RPL13: variants seen among roughly 807,000 people sequenced by gnomAD.
The protein encoded by RPL13 is ribosomal protein L13.
A neutral mutation model predicts 21.4 loss-of-function variants in RPL13; 1 was observed. That is an observed-to-expected ratio of 0.05 (90% CI 0.02 to 0.22). RPL13 has a LOEUF of 0.22. RPL13 is among the 10% of genes least tolerant of loss of function. RPL13 has a pLI of 1.00. For synonymous variants in RPL13, 143 were observed against 120.5 expected, an observed-to-expected ratio of 1.19 and a Z score of -1.23; for missense variants, 289 against 303.0, an observed-to-expected ratio of 0.95 and a Z score of 0.34.
chr16:89,566,568 G>C (rs757040225), downstream of RPL13: 1 of 152,194 alleles, frequency 6.6e-6, no homozygotes, highest in Non-Finnish European at 1.5e-5. Context: ...GGAGGCTGAG[G>C]GGGGAGGATG....
chr16:89,561,046 G>C lies in RPL13; in HGVS notation c.87G>C (p.Pro29=). ...GCGTGGCCACGTGGTTCAACCAGCCGGCCCGTAAGATCCGCAGGTGAGCCC... is the reference window on the plus strand; with the variant it reads ...GCGTGGCCACGTGGTTCAACCAGCCCGCCCGTAAGATCCGCAGGTGAGCCC... ...QRRVATWFNQ[P]ARKIRRRKAR... is the part of the protein sequence containing the mutation. The change falls in exon 2 of 6, where the codon CCG becomes CCC. Residue 29 remains proline, a synonymous_variant. Transcript: ENST00000311528. 2.5e-6 allele frequency: 4 copies of C among 1,606,606 alleles called. No homozygotes were observed. Among genetic ancestry groups the C allele is most frequent in the Non-Finnish European group, 3.4e-6 (4 of 1,177,986 alleles).
chr16:89,565,869 C>T (rs927041196), downstream of RPL13: 1 of 152,238 alleles, frequency 6.6e-6, no homozygotes, highest in Non-Finnish European at 1.5e-5. Flanking sequence ...ACCTTGATTT[C>T]GTCCATGTGA....
In RPL13 at chr16:89,561,623, G is replaced by C; in HGVS notation, c.292G>C (p.Val98Leu). The C allele has an allele frequency of 6.2e-7, 1 of 1,613,794 alleles. No individual in the cohort carries two copies. Among genetic ancestry groups the C allele is most frequent in the Non-Finnish European group, 8.5e-7 (1 of 1,180,040 alleles). Residue 98 changes from valine (V) to leucine (L), a missense_variant, in exon 4 of 6, where the codon GTG (valine) becomes CTG (leucine). Val to Leu is a conservative substitution (Grantham distance 32). Coordinates refer to ENST00000311528, the MANE Select transcript of RPL13 (RefSeq NM_000977.4). The part of the protein sequence containing the change: ...KKVARTIGIS[V>L]DPRRRNKSTE... ...GGTGGCCCGGACCATCGGCATTTCT[G>C]TGGATCCGAGGAGGCGGAACAAGTC...
chr16:89,560,864 A>G, intron 1 of RPL13, 76 bp from the exon 2 acceptor site: 1 of 1,071,696 alleles, frequency 9.3e-7, no homozygotes, highest in Non-Finnish European at 1.3e-6. Context: ...CCCAGTCTGG[A>G]GGGTTCGGGG....
chr16:89,563,107 G>A lies in RPL13; in HGVS notation c.*65G>A. The A allele has an allele frequency of 7.3e-7, 1 of 1,376,852 alleles. No individual in the cohort carries two copies. The highest frequency in any genetic ancestry group is 3.4e-5 in the Admixed American group (1 of 29,436). 85.3% of individuals were successfully genotyped at this position (1,376,852 alleles called of 1,614,324 possible). A position where few individuals can be genotyped will look rare whatever the true frequency, so the allele number is the denominator to read the frequency against. On this transcript the variant is annotated 3_prime_UTR_variant, in exon 6 of 6. Transcript: ENST00000311528. ...GGGTCTCCACGTGGTGTGTTTCGTGGGAACAACTGGGCCTGGGATGGGGCT... is the reference window on the plus strand; with the variant it reads ...GGGTCTCCACGTGGTGTGTTTCGTGAGAACAACTGGGCCTGGGATGGGGCT...
At position 89,561,115 on chromosome 16, in the gene RPL13, T is replaced by G. The variant is rs572123645; in HGVS notation, c.104+52T>G. 5.2e-5 allele frequency: 81 copies of G among 1,554,314 alleles called. No individual in the cohort carries two copies. The South Asian group carries it at 9.1e-4, about 17-fold the overall frequency. On this transcript the variant is annotated intron_variant, in intron 2 of 5. Transcript: ENST00000311528. ...TGGGGCTCGTGCCCGCGGCTGCGCC[T>G]TGGCTTGCGGGTGGCCGATGCCAGG...
At chr16:89,566,687 T>C (rs1053356776), downstream of RPL13, 1 of 151,978 alleles carries the variant, frequency 6.6e-6, no homozygotes, top group Non-Finnish European at 1.5e-5. Flanking sequence ...ACAAAACTAT[T>C]ATGCAGTAGT....
rs769661644 is a variant in RPL13, at chr16:89,560,924, C to A, written c.-20-16C>A. On this transcript the variant is annotated splice_polypyrimidine_tract_variant and intron_variant, in intron 1 of 5. Transcript: ENST00000311528. ...CCCGGGGTCCGGCCTCTCACTCGCTCCCCTCTCGTCCGCAGCCGCAGGGCC... is the reference window on the plus strand; with the variant it reads ...CCCGGGGTCCGGCCTCTCACTCGCTACCCTCTCGTCCGCAGCCGCAGGGCC... 1.1e-4 allele frequency: 180 copies of A among 1,567,606 alleles called. 1 individual carries two copies. Among genetic ancestry groups the A allele is most frequent in the Non-Finnish European group, 1.5e-4 (171 of 1,157,214 alleles).
chr16:89,565,363 G>T (rs1239249131), downstream of RPL13: 6 of 152,844 alleles, frequency 3.9e-5, no homozygotes, highest in East Asian at 7.7e-4. Context: ...GTGCGGCTCT[G>T]CCCTTCCTGG....
At chr16:89,560,665 C>G, upstream of RPL13, 1 of 336,622 alleles carries the variant, frequency 3.0e-6, no homozygotes, top group Non-Finnish European at 5.4e-6. Flanking sequence ...TCCCAGAGTG[C>G]ATTGCGGGGC....
chr16:89,562,423 A>G (rs1567941527), intron 5 of RPL13, 32 bp downstream of exon 5: 1 of 1,604,004 alleles, frequency 6.2e-7, no homozygotes, highest in Non-Finnish European at 8.5e-7. Context: ...TCCAGGCTTC[A>G]GACGAGATCA....
rs72037989 is a variant in RPL13, at chr16:89,563,573, C to CAAAAAAA, written c.*538_*544dup. 7.2e-6 allele frequency: 1 copy of CAAAAAAA among 139,212 alleles called. No individual in the cohort carries two copies. Among genetic ancestry groups the CAAAAAAA allele is most frequent in the African/African-American group, 2.6e-5 (1 of 37,976 alleles). 8.6% of individuals were successfully genotyped at this position (139,212 alleles called of 1,614,324 possible). On this transcript the variant is annotated 3_prime_UTR_variant, in exon 6 of 6. Coordinates refer to ENST00000311528, the MANE Select transcript of RPL13 (RefSeq NM_000977.4). Reference sequence around the variant, plus strand: ...AGCCTGGGCAACAGTGAGACTGTCTCAAAAAAAAAAAAAGAGACAGGGTCT... The same window carrying CAAAAAAA: ...AGCCTGGGCAACAGTGAGACTGTCTCAAAAAAAAAAAAAAAAAAAAGAGACAGGGTCT...
intron 5 of RPL13, 24 bp downstream of exon 5, chr16:89,562,415 C>T (rs760466760): frequency 5.6e-6 from 9 of 1,609,154 alleles, no homozygotes; most frequent in Non-Finnish European, 7.6e-6. Flanking sequence ...TACTCAAATC[C>T]AGGCTTCAGA....
At chr16:89,561,879 G>A in intron 4 of RPL13, 128 bp downstream of exon 4, 1 of 1,023,980 alleles carries the variant, frequency 9.8e-7, no homozygotes, top group Non-Finnish European at 1.4e-6. Context: ...GATGAGCTAA[G>A]CGGGACTGCT....
At chr16:89,560,884 G>A in intron 1 of RPL13, 56 bp from the exon 2 acceptor site, 2 of 1,322,918 alleles carry the variant, frequency 1.5e-6, no homozygotes, top group Non-Finnish European at 2.1e-6. Context: ...GCGGAGGCCC[G>A]GGGGGGTGCG....
rs772928136 is a variant in RPL13 at position 89,562,926 on chromosome 16, A to G, written c.520A>G (p.Lys174Glu). 10 of 1,594,442 alleles carry G rather than the reference A, an allele frequency of 6.3e-6. No homozygotes were observed. In the Middle Eastern group the frequency reaches 6.7e-4, roughly 107 times the overall value. Residue 174 changes from lysine to glutamate, a missense_variant, in exon 6 of 6, where the codon AAG (lysine) becomes GAG (glutamate). By Grantham distance (56) the Lys-to-Glu change is moderately conservative. Coordinates refer to ENST00000311528, the MANE Select transcript of RPL13 (RefSeq NM_000977.4). ...EKARVITEEE[K>E]NFKAFASLRM... ...AGCTCGAGTCATCACTGAGGAAGAG[A>G]AGAATTTCAAAGCCTTCGCTAGTCT... is the stretch of plus-strand genomic sequence containing the variant.
downstream of RPL13, chr16:89,566,352 C>G (rs1017055982): frequency 7.6e-6 from 1 of 132,136 alleles, no homozygotes; most frequent in Non-Finnish European, 1.7e-5. Context: ...GTTTCTCACA[C>G]CGGCTGCTCT....
At chr16:89,561,875 C>T in intron 4 of RPL13, 124 bp downstream of exon 4, 1 of 1,027,444 alleles carries the variant, frequency 9.7e-7, no homozygotes, top group Non-Finnish European at 1.4e-6. Flanking sequence ...GGGTGATGAG[C>T]TAAGCGGGAC....
At chr16:89,562,159 A>C in intron 4 of RPL13, 176 bp from the exon 5 acceptor site, 1 of 657,512 alleles carries the variant, frequency 1.5e-6, no homozygotes, top group Non-Finnish European at 2.7e-6. Context: ...AGTAAGATAT[A>C]GTCACCTAAC....
Sources: allele counts gnomAD v4.1 joint callset, GRCh38; gene constraint gnomAD v4.1.1; transcripts MANE v1.5; gene names NCBI Gene and HGNC (gene_info 2026-07-23, HGNC 2026-07-21).